Variants in DNAJC5 observed in about 807,000 individuals in gnomAD.
DNAJC5 encodes the protein dnaJ homolog subfamily C member 5.
A neutral mutation model predicts 23.2 loss-of-function variants in DNAJC5; 1 was observed. That is an observed-to-expected ratio of 0.04 (90% CI 0.02 to 0.20). The LOEUF is 0.20. Ranked by LOEUF, DNAJC5 falls within the 10% of genes least tolerant of loss-of-function variation. The probability of loss-of-function intolerance (pLI) is 1.00; values close to 1 mark genes in which losing one functional copy is unlikely to be tolerated. For synonymous variants in DNAJC5, 136 were observed against 120.0 expected (o/e 1.13, Z -0.87); for missense variants, 180 against 267.0 (o/e 0.67, Z 2.27).
At position 63,935,635 on chromosome 20, in the gene DNAJC5, G is replaced by A. The variant is rs1320939321; in HGVS notation, c.*4067G>A. 1.3e-5 allele frequency: 2 copies of A among 152,272 alleles called. No individual in the cohort carries two copies. Among genetic ancestry groups the A allele is most frequent in the Non-Finnish European group, 2.9e-5 (2 of 68,044 alleles). 9.4% of individuals were successfully genotyped at this position (152,272 alleles called of 1,614,324 possible). A position where few individuals can be genotyped will look rare whatever the true frequency, so the allele number is the denominator to read the frequency against. On this transcript the variant is annotated 3_prime_UTR_variant, in exon 5 of 5. Transcript: ENST00000360864. Reference sequence around the variant, plus strand: ...GGAAGGGGCCCTGTGCTGGCCCCGGGTCCGCCCCAGAGGAGTCCACACAGC... The same window carrying A: ...GGAAGGGGCCCTGTGCTGGCCCCGGATCCGCCCCAGAGGAGTCCACACAGC...
chr20:63,935,925 C>T lies in DNAJC5; in HGVS notation c.*4357C>T, dbSNP rs2146315794. 6.6e-6 allele frequency: 1 copy of T among 152,334 alleles called. No individual in the cohort carries two copies. The highest frequency in any genetic ancestry group is 2.1e-4 in the South Asian group (1 of 4,824). The allele number at this position is 152,334 out of a possible 1,614,324, so 9.4% of individuals were successfully genotyped here. On this transcript the variant is annotated 3_prime_UTR_variant, in exon 5 of 5. Coordinates refer to ENST00000360864, the MANE Select transcript of DNAJC5 (RefSeq NM_025219.3). ...CTGATCCTGGCTCGAGCACACACAT[C>T]TAAGGGCCAGGCTGGTTCCGCATGG...
chr20:63,914,760 C>T (rs1244294760), intron 1 of DNAJC5, among the ~76,000 whole-genome samples: 1 of 151,914 alleles, frequency 6.6e-6, no homozygotes, highest in Non-Finnish European at 1.5e-5. Flanking sequence ...GGATTACAGG[C>T]ACCTGCCACC....
Position 63,931,599 on chromosome 20 carries a change from C to T in DNAJC5, c.*31C>T. The stretch of plus-strand genomic sequence containing the variant: ...GGAGGAGCTGTGGTCAGAGGAGGAG[C>T]CGGCGCCTGGCCACGCCAACCTTAG... On this transcript the variant is annotated 3_prime_UTR_variant, in exon 5 of 5. Coordinates refer to ENST00000360864, the MANE Select transcript of DNAJC5 (RefSeq NM_025219.3). This position sits in a 1 kb window ranked among gnomAD's most constrained non-coding sequence, Gnocchi z 9.6. 1 of 1,530,644 alleles carries T rather than the reference C, an allele frequency of 6.5e-7. No individual in the cohort carries two copies. The allele number at this position is 1,530,644 out of a possible 1,614,324, so 94.8% of individuals were successfully genotyped here. A position where few individuals can be genotyped will look rare whatever the true frequency, so the allele number is the denominator to read the frequency against.
chr20:63,921,694 A>G (rs958755072), intron 1 of DNAJC5, among the ~76,000 whole-genome samples: 1 of 152,074 alleles, frequency 6.6e-6, no homozygotes, highest in Non-Finnish European at 1.5e-5. Flanking sequence ...AGCAGGTTGC[A>G]GCACGTGCTG....
chr20:63,913,841 A>C (rs2053498847), intron 1 of DNAJC5, among the ~76,000 whole-genome samples: 1 of 152,226 alleles, frequency 6.6e-6, no homozygotes, highest in Non-Finnish European at 1.5e-5. Context: ...GGCCTCCCAA[A>C]GTGCTGGGAT....
intron 1 of DNAJC5, among the ~76,000 whole-genome samples, chr20:63,922,888 C>A (rs1340074332): frequency 6.6e-6 from 1 of 152,048 alleles, no homozygotes; most frequent in African/African-American, 2.4e-5. Flanking sequence ...GCCTGTAATC[C>A]CCAGCACTTT....
At position 63,928,383 on chromosome 20, in the gene DNAJC5, G is replaced by A; in HGVS notation, c.38G>A (p.Gly13Glu). Reference protein sequence around the residue: ...DQRQRSLSTSGESLYHVLGLD... With the variant: ...DQRQRSLSTSEESLYHVLGLD... ...AGACAGCGCTCACTGTCTACCTCTGGGGAGTCATTGTACCACGTCCTTGGG... is the reference window on the plus strand; with the variant it reads ...AGACAGCGCTCACTGTCTACCTCTGAGGAGTCATTGTACCACGTCCTTGGG... Residue 13 changes from glycine to glutamate, a missense_variant, in exon 2 of 5, where the codon GGG becomes GAG. Gly to Glu is a moderately conservative substitution (Grantham distance 98). Coordinates refer to ENST00000360864, the MANE Select transcript of DNAJC5 (RefSeq NM_025219.3). This position sits in a 1 kb window ranked among gnomAD's most constrained non-coding sequence, Gnocchi z 4.6. 1 of 1,613,988 alleles carries A rather than the reference G, an allele frequency of 6.2e-7. No homozygotes were observed. Among genetic ancestry groups the A allele is most frequent in the Admixed American group, 1.7e-5 (1 of 60,010 alleles).
Position 63,935,162 on chromosome 20 carries a change from T to A in DNAJC5, c.*3594T>A, listed in dbSNP as rs1426968214. Reference sequence around the variant, plus strand: ...AGCAACAGTTTGCGTCGTCACATGCTGTGAGTGTGGGCTGTGGTGTGTCCG... The same window carrying A: ...AGCAACAGTTTGCGTCGTCACATGCAGTGAGTGTGGGCTGTGGTGTGTCCG... On this transcript the variant is annotated 3_prime_UTR_variant, in exon 5 of 5. Coordinates refer to ENST00000360864, the MANE Select transcript of DNAJC5 (RefSeq NM_025219.3). 6.6e-6 allele frequency: 1 copy of A among 152,304 alleles called. No homozygotes were observed. The highest frequency in any genetic ancestry group is 1.9e-4 in the East Asian group (1 of 5,206). The allele number at this position is 152,304 out of a possible 1,614,324, so 9.4% of individuals were successfully genotyped here.
chr20:63,898,057 C>T (rs2053386118), intron 1 of DNAJC5, among the ~76,000 whole-genome samples: 1 of 152,186 alleles, frequency 6.6e-6, no homozygotes, highest in Non-Finnish European at 1.5e-5. Context: ...AGCACCTTTG[C>T]CCAAGGTCTC....
chr20:63,923,205 T>C (rs1296628782), intron 1 of DNAJC5, among the ~76,000 whole-genome samples: 1 of 150,722 alleles, frequency 6.6e-6, no homozygotes, highest in Non-Finnish European at 1.5e-5. Context: ...CCTATAATCC[T>C]GGCACTTTGG....
At chr20:63,916,302 G>A (rs1431270870) in intron 1 of DNAJC5, among the ~76,000 whole-genome samples, 1 of 152,198 alleles carries the variant, frequency 6.6e-6, no homozygotes, top group Non-Finnish European at 1.5e-5. Context: ...TTTTCCATAA[G>A]TGTCGGCCAG....
rs911760411 is a variant in DNAJC5, at chr20:63,934,583, A to ATTTGTC, written c.*3017_*3022dup. On this transcript the variant is annotated 3_prime_UTR_variant, in exon 5 of 5. Coordinates refer to ENST00000360864, the MANE Select transcript of DNAJC5 (RefSeq NM_025219.3). The stretch of plus-strand genomic sequence containing the variant: ...TTTCACGGCAGCTGCTGCTGTATAG[A>ATTTGTC]TTTGTCTCCACTCAGTGACGTGGGA... 2.6e-5 allele frequency: 4 copies of ATTTGTC among 152,134 alleles called. No individual in the cohort carries two copies. The highest frequency in any genetic ancestry group is 4.4e-5 in the Non-Finnish European group (3 of 68,052). 9.4% of individuals were successfully genotyped at this position (152,134 alleles called of 1,614,324 possible).
chr20:63,919,303 GGCATGTGATCGAT>G, intron 1 of DNAJC5: 1 of 460,294 alleles, frequency 2.2e-6, no homozygotes, highest in Non-Finnish European at 4.4e-6. Context: ...AACAGAGCGA[GGCATGTGATCGAT>G]GCATCGTAAC....
rs1380011675 is a variant in DNAJC5, at chr20:63,932,668, C to G, written c.*1100C>G. On this transcript the variant is annotated 3_prime_UTR_variant, in exon 5 of 5. Transcript: ENST00000360864. This position sits in a 1 kb window ranked among gnomAD's most constrained non-coding sequence, Gnocchi z 4.4. ...CCCGTCATCGATGATTCAGGCAGAG[C>G]CAGATTCGTTAGGTCCCTGGAGGAA... 1.3e-5 allele frequency: 2 copies of G among 152,442 alleles called. No homozygotes were observed. The highest frequency in any genetic ancestry group is 2.9e-5 in the Non-Finnish European group (2 of 68,092). The allele number at this position is 152,442 out of a possible 1,614,324, so 9.4% of individuals were successfully genotyped here.
At chr20:63,918,885 C>A (rs372814067) in intron 1 of DNAJC5, among the ~76,000 whole-genome samples, 1 of 152,214 alleles carries the variant, frequency 6.6e-6, no homozygotes, top group Admixed American at 6.5e-5. Context: ...TGAGCCACCA[C>A]GCCCGGCTGA....
chr20:63,926,911 A>G (rs756241895), intron 1 of DNAJC5, among the ~76,000 whole-genome samples: 4 of 152,082 alleles, frequency 2.6e-5, no homozygotes, highest in Non-Finnish European at 5.9e-5. Flanking sequence ...CGTCATGTAC[A>G]CTGTATTTAT....
At chr20:63,910,496 T>A (rs1359114024) in intron 1 of DNAJC5, among the ~76,000 whole-genome samples, 1 of 149,052 alleles carries the variant, frequency 6.7e-6, no homozygotes, top group Middle Eastern at 3.3e-3. Context: ...TGAGTGGAGA[T>A]CGCGCCACTG....
At chr20:63,930,660 T>G (rs536593031) in intron 3 of DNAJC5, among the ~76,000 whole-genome samples, 191 bp from the exon 4 acceptor site, 79 of 152,350 alleles carry the variant, frequency 5.2e-4, no homozygotes, top group Non-Finnish European at 9.6e-4. Context: ...AGGCTGCTTT[T>G]CTTTAAGCTG....
intron 1 of DNAJC5, among the ~76,000 whole-genome samples, chr20:63,902,722 C>G (rs892169471): frequency 4.5e-5 from 6 of 134,030 alleles, no homozygotes; most frequent in African/African-American, 1.7e-4. Context: ...GTCGCCCAGG[C>G]TGGAGTGCAG....
Sources: gnomAD v4.1 joint callset for allele counts (sites outside exome capture counted in the v4.1 genomes callset) on GRCh38, gnomAD v4.1.1 for gene constraint, Gnocchi (gnomAD v3.1) non-coding constraint, MANE v1.5 for transcripts, NCBI Gene and HGNC (gene_info 2026-07-23, HGNC 2026-07-21) for gene names.